The following SND1 variants were observed in gnomAD, a reference collection of about 807,000 sequenced individuals.
The protein encoded by SND1 is staphylococcal nuclease and tudor domain containing 1, also known as staphylococcal nuclease domain-containing protein 1.
In SND1, 38 loss-of-function variants were observed where a neutral mutation model predicts 121.7. That is an observed-to-expected ratio of 0.31 (90% confidence interval 0.24 to 0.41). The LOEUF (loss-of-function observed/expected upper bound fraction) is 0.41, where lower values mean the gene tolerates loss of function less well. Among genes scored for constraint, SND1 ranks in the 10% least tolerant of loss-of-function variants. The pLI is 1.00. For synonymous variants in SND1, 401 were observed against 447.4 expected, an observed-to-expected ratio of 0.90 and a Z score of 1.31; for missense variants, 868 against 1,184.6, an observed-to-expected ratio of 0.73 and a Z score of 3.92.
chr7:127,688,720 TA>T (rs930217645), intron 2 of SND1, among the ~76,000 whole-genome samples: 2 of 148,124 alleles, frequency 1.4e-5, no homozygotes. Flanking sequence ...AGACCCTGTC[TA>T]AAAAAAAATA....
At chr7:127,886,018 A>G (rs1188674072) in intron 12 of SND1, among the ~76,000 whole-genome samples, 1 of 152,016 alleles carries the variant, frequency 6.6e-6, no homozygotes, top group African/African-American at 2.4e-5. Flanking sequence ...ATCAACATCT[A>G]CATCTGCTGA....
chr7:127,969,728 A>AAAAAC (rs201976370), intron 15 of SND1, among the ~76,000 whole-genome samples: 5 of 152,200 alleles, frequency 3.3e-5, no homozygotes, highest in African/African-American at 9.6e-5. Context: ...ACTCCGTCTC[A>AAAAAC]AAAACAAAAC....
rs1185908960 is a variant in SND1 at position 127,718,514 on chromosome 7, C to T, written c.1039-2773C>T. On this transcript the variant is annotated intron_variant, in intron 9 of 23. Transcript: ENST00000354725. ...GACACGCACGCATGCACTCACCCTT[C>T]CTATCTTCACCAGCAAGCTAAACCT... is the stretch of plus-strand genomic sequence containing the variant. 1.1e-5 allele frequency: 11 copies of T among 964,212 alleles called. No homozygotes were observed. The South Asian group carries it at 1.9e-4, about 17-fold the overall frequency. The allele number at this position is 964,212 out of a possible 1,614,324, so 59.7% of individuals were successfully genotyped here. A position where few individuals can be genotyped will look rare whatever the true frequency, so the allele number is the denominator to read the frequency against.
Position 127,905,047 on chromosome 7 carries a change from C to G in SND1, c.1527+228C>G, listed in dbSNP as rs1800309787. 2.6e-5 allele frequency among the ~76,000 whole-genome samples: 4 copies of G among 152,086 alleles called. 1 individual carries two copies. In the South Asian group the frequency reaches 8.3e-4, roughly 31 times the overall value. The stretch of plus-strand genomic sequence containing the variant: ...TTCTTTTTCTTTACCTGAACTGTTT[C>G]TATGTTGCTTTTTCATTTTTAATTA... On this transcript the variant is annotated intron_variant, in intron 14 of 23. Transcript: ENST00000354725.
chr7:127,974,436 G>A (rs1394120421), intron 15 of SND1, among the ~76,000 whole-genome samples: 2 of 152,152 alleles, frequency 1.3e-5, no homozygotes, highest in Non-Finnish European at 2.9e-5. Flanking sequence ...TGCTTGCTGG[G>A]GGGTTGGCCT....
chr7:127,797,686 G>A (rs1290958387), intron 10 of SND1, among the ~76,000 whole-genome samples: 2 of 152,202 alleles, frequency 1.3e-5, no homozygotes, highest in East Asian at 3.8e-4. Context: ...GCTGCTGGTG[G>A]CCCAACTTCT....
intron 12 of SND1, among the ~76,000 whole-genome samples, chr7:127,855,470 C>G (rs887924860): frequency 7.9e-5 from 12 of 152,036 alleles, no homozygotes; most frequent in Middle Eastern, 3.4e-3. Flanking sequence ...AAACTCAGCT[C>G]TACTATTAGA....
At chr7:127,668,505 A>T (rs1249920378) in intron 1 of SND1, among the ~76,000 whole-genome samples, 1 of 152,184 alleles carries the variant, frequency 6.6e-6, no homozygotes, top group Non-Finnish European at 1.5e-5. Flanking sequence ...CCTATTCACC[A>T]TGGTAAATCC....
At chr7:127,961,512 C>A (rs986634714) in intron 15 of SND1, among the ~76,000 whole-genome samples, 1 of 152,174 alleles carries the variant, frequency 6.6e-6, no homozygotes, top group Non-Finnish European at 1.5e-5. Context: ...GTAAAAAACA[C>A]GTGCAAAAGC....
At chr7:127,842,569 A>G (rs1403318605) in intron 11 of SND1, among the ~76,000 whole-genome samples, 1 of 152,206 alleles carries the variant, frequency 6.6e-6, no homozygotes, top group Non-Finnish European at 1.5e-5. Flanking sequence ...ACTCTCAAGT[A>G]TGTTGGTGTT....
intron 16 of SND1, among the ~76,000 whole-genome samples, chr7:128,058,483 C>G (rs936716930): frequency 3.9e-5 from 6 of 152,234 alleles, no homozygotes; most frequent in Non-Finnish European, 8.8e-5. Flanking sequence ...AGAGCTCTCA[C>G]TGGGTACCTC....
intron 9 of SND1, among the ~76,000 whole-genome samples, chr7:127,717,559 C>T (rs571101039): frequency 6.6e-6 from 1 of 152,270 alleles, no homozygotes; most frequent in East Asian, 1.9e-4. Context: ...ACAAGGGTGG[C>T]AGCTGTACTC....
chr7:127,718,366 G>A (rs1020047939), intron 9 of SND1, among the ~76,000 whole-genome samples: 8 of 152,132 alleles, frequency 5.3e-5, no homozygotes. Flanking sequence ...ACAGTACGTG[G>A]CTATAATCAG....
intron 12 of SND1, among the ~76,000 whole-genome samples, chr7:127,881,713 G>A (rs1025460896): frequency 5.9e-5 from 9 of 152,234 alleles, no homozygotes; most frequent in East Asian, 3.9e-4. Flanking sequence ...GAAAGTTAGC[G>A]GTGGTTGGTG....
intron 3 of SND1, among the ~76,000 whole-genome samples, chr7:127,697,122 A>G (rs917538798): frequency 6.6e-6 from 1 of 152,150 alleles, no homozygotes; most frequent in Non-Finnish European, 1.5e-5. Context: ...TATTGAAGAG[A>G]TGATTAGTTT....
intron 10 of SND1, among the ~76,000 whole-genome samples, chr7:127,800,695 CCT>C (rs775670515): frequency 1.2e-3 from 176 of 152,178 alleles, no homozygotes; most frequent in South Asian, 3.1e-3. Context: ...GATATTCTTC[CCT>C]GTGTGCTTCA....
At chr7:127,745,299 A>G (rs1454933216) in intron 10 of SND1, among the ~76,000 whole-genome samples, 2 of 152,206 alleles carry the variant, frequency 1.3e-5, no homozygotes, top group Admixed American at 6.5e-5. Context: ...CAGTTGTAAC[A>G]CAGTGGTATT....
intron 1 of SND1, 60 bp downstream of exon 1, chr7:127,652,511 G>T: frequency 7.3e-7 from 1 of 1,373,788 alleles, no homozygotes; most frequent in Non-Finnish European, 1.0e-6. Flanking sequence ...GTCAGGCATT[G>T]ACTCCACCTT....
At chr7:127,813,053 A>T (rs1445783989) in intron 11 of SND1, among the ~76,000 whole-genome samples, 1 of 152,248 alleles carries the variant, frequency 6.6e-6, no homozygotes, top group African/African-American at 2.4e-5. Context: ...GGTTTATACA[A>T]GGTTGCTTGT....
Sources: allele counts gnomAD v4.1 joint callset (sites outside exome capture counted in the v4.1 genomes callset), GRCh38; gene constraint gnomAD v4.1.1; transcripts MANE v1.5; gene names NCBI Gene and HGNC (gene_info 2026-07-23, HGNC 2026-07-21).